The following OPALIN variants were observed in gnomAD, a reference collection of about 807,000 sequenced individuals.
OPALIN encodes transmembrane protein 10.
Under a neutral mutation model 17.8 loss-of-function variants are expected in OPALIN, and 15 were observed. That is an observed-to-expected ratio of 0.84 (90% CI 0.56 to 1.29). The LOEUF is 1.29. Ranked by LOEUF, OPALIN falls within the 50% of genes most tolerant of loss-of-function variation. The pLI, the probability that OPALIN is intolerant of heterozygous loss-of-function variation, is 0.00. For missense variants in OPALIN, 170 were observed against 176.0 expected, an observed-to-expected ratio of 0.97 and a Z score of 0.19; for synonymous variants, 62 against 63.8, an observed-to-expected ratio of 0.97 and a Z score of 0.14.
At chr10:96,351,066 C>G (rs1333678389) in intron 3 of OPALIN, among the ~76,000 whole-genome samples, 1 of 152,216 alleles carries the variant, frequency 6.6e-6, no homozygotes, top group Non-Finnish European at 1.5e-5. Flanking sequence ...TTCCAGCCTC[C>G]TTGTGCGTGA....
rs1184973 is a variant in OPALIN, at chr10:96,355,317, C to A, written c.4-27G>T. 2.2e-4 allele frequency: 360 copies of A among 1,611,672 alleles called. 1 individual carries two copies. The highest frequency in any genetic ancestry group is 2.9e-4 in the Non-Finnish European group (339 of 1,178,248). The stretch of plus-strand genomic sequence containing the variant: ...TGCAAGATAGAAGTAAACATTAAAG[C>A]TCCCAGGGATGGTCAGCAAGCTCCT... On this transcript the variant is annotated intron_variant, in intron 1 of 5. Coordinates refer to ENST00000371172, the MANE Select transcript of OPALIN (RefSeq NM_033207.5).
chr10:96,356,874 C>T lies in OPALIN; in HGVS notation c.4-1584G>A, dbSNP rs1318845408. The T allele has an allele frequency of 8.1e-6, 8 of 984,964 alleles. No individual in the cohort carries two copies. The Admixed American group carries it at 4.9e-4, about 61-fold the overall frequency. 61.0% of individuals were successfully genotyped at this position (984,964 alleles called of 1,614,324 possible). ...AAGCCTCAAGAATTTGAACAGGTTT[C>T]CCAAGTCCAAACAACTACTTAGCTG... On this transcript the variant is annotated intron_variant, in intron 1 of 5. Transcript: ENST00000371172.
chr10:96,343,915 G>A lies in OPALIN; in HGVS notation c.*2026C>T, dbSNP rs1430152975. On this transcript the variant is annotated 3_prime_UTR_variant, in exon 6 of 6. Transcript: ENST00000371172. Reference sequence around the variant, plus strand: ...CTGCTGGATGAACTTAAGATGCCCTGGACCCAGGCCTTCCCACTGGGAGGC... The same window carrying A: ...CTGCTGGATGAACTTAAGATGCCCTAGACCCAGGCCTTCCCACTGGGAGGC... 1 of 152,202 alleles carries A rather than the reference G, an allele frequency of 6.6e-6. No homozygotes were observed. Among genetic ancestry groups the A allele is most frequent in the African/African-American group, 2.4e-5 (1 of 41,444 alleles). 9.4% of individuals were successfully genotyped at this position (152,202 alleles called of 1,614,324 possible).
At position 96,351,383 on chromosome 10, in the gene OPALIN, C is replaced by G; in HGVS notation, c.67G>C (p.Glu23Gln). Reference protein sequence around the residue: ...TTSSPVTGGKETDCGPSLGLA... With the variant: ...TTSSPVTGGKQTDCGPSLGLA... ...AATTTAAGTGATATAGTTACCGTTTCTTTCCCACCTGTGACAGGAGAGGAC... is the reference window on the plus strand; with the variant it reads ...AATTTAAGTGATATAGTTACCGTTTGTTTCCCACCTGTGACAGGAGAGGAC... The change falls in exon 3 of 6, where the codon GAA (glutamate) becomes CAA (glutamine). Residue 23 changes from glutamate to glutamine, a missense_variant. Physicochemically the swap from Glu to Gln is conservative, Grantham distance 29. Coordinates refer to ENST00000371172, the MANE Select transcript of OPALIN (RefSeq NM_033207.5). 6.5e-7 allele frequency: 1 copy of G among 1,530,644 alleles called. No individual in the cohort carries two copies. The highest frequency in any genetic ancestry group is 8.9e-7 in the Non-Finnish European group (1 of 1,127,348). The allele number at this position is 1,530,644 out of a possible 1,614,324, so 94.8% of individuals were successfully genotyped here. A position where few individuals can be genotyped will look rare whatever the true frequency, so the allele number is the denominator to read the frequency against.
intron 1 of OPALIN, among the ~76,000 whole-genome samples, chr10:96,358,570 T>C (rs1845901601): frequency 6.6e-6 from 1 of 152,212 alleles, no homozygotes; most frequent in Admixed American, 6.5e-5. Context: ...ATGTTGCTGA[T>C]GATGGAACAA....
At position 96,349,722 on chromosome 10, in the gene OPALIN, G is replaced by A. The variant is rs192775978; in HGVS notation, c.177C>T (p.Ser59=). The A allele has an allele frequency of 1.1e-5, 18 of 1,613,932 alleles. No individual in the cohort carries two copies. The Admixed American group carries it at 1.3e-4, about 12-fold the overall frequency. The change falls in exon 4 of 6, where the codon AGC becomes AGT. Residue 59 remains serine (S), a synonymous_variant. Coordinates refer to ENST00000371172, the MANE Select transcript of OPALIN (RefSeq NM_033207.5). ...LFTLIHRRRS[S]IEAMEESDRP... is the part of the protein sequence containing the mutation. ...TAGTAATCACCTCCATGGCCTCAAT[G>A]CTGCTTCTTCTTCGGTGAATCAAAG...
chr10:96,357,012 T>A, intron 1 of OPALIN: 2 of 985,498 alleles, frequency 2.0e-6, no homozygotes, highest in Non-Finnish European at 1.2e-6. Context: ...GACAGCACTG[T>A]GCACCTCTGC....
At chr10:96,355,326 A>G in intron 1 of OPALIN, 36 bp from the exon 2 acceptor site, 1 of 1,605,046 alleles carries the variant, frequency 6.2e-7, no homozygotes, top group Non-Finnish European at 8.5e-7. Flanking sequence ...GCTCCCAGGG[A>G]TGGTCAGCAA....
chr10:96,358,991 C>A lies in OPALIN; in HGVS notation c.-95G>T. ...GGCTTGTGTCTTTCATTTGTAGGAA[C>A]AGTTAACTGACAAAGCTGCAGAGGC... On this transcript the variant is annotated 5_prime_UTR_variant, in exon 1 of 6. Coordinates refer to ENST00000371172, the MANE Select transcript of OPALIN (RefSeq NM_033207.5). 6.9e-7 allele frequency: 1 copy of A among 1,441,574 alleles called. No individual in the cohort carries two copies. The highest frequency in any genetic ancestry group is 1.7e-5 in the Admixed American group (1 of 59,566). 89.3% of individuals were successfully genotyped at this position (1,441,574 alleles called of 1,614,324 possible).
chr10:96,356,983 G>A (rs1845848122), intron 1 of OPALIN: 1 of 985,356 alleles, frequency 1.0e-6, no homozygotes, highest in Non-Finnish European at 1.2e-6. Flanking sequence ...CTCTGTGGAT[G>A]AATCAGAGCA....
intron 2 of OPALIN, among the ~76,000 whole-genome samples, chr10:96,352,487 T>C (rs774309798): frequency 2.0e-5 from 3 of 152,124 alleles, no homozygotes; most frequent in Non-Finnish European, 4.4e-5. Flanking sequence ...AAGGTTTTGA[T>C]GACCAGGCAC....
chr10:96,348,040 C>T (rs1212369536), intron 5 of OPALIN, among the ~76,000 whole-genome samples: 1 of 152,152 alleles, frequency 6.6e-6, no homozygotes, highest in African/African-American at 2.4e-5. Context: ...GAGATGGTCA[C>T]ATGAGTTTTC....
At chr10:96,353,656 A>T (rs187164254) in intron 2 of OPALIN, among the ~76,000 whole-genome samples, 1 of 152,322 alleles carries the variant, frequency 6.6e-6, no homozygotes, top group Admixed American at 6.5e-5. Context: ...CCACTCCCCA[A>T]GAAATGGCTT....
chr10:96,356,919 C>T (rs976511799), intron 1 of OPALIN: 11 of 985,212 alleles, frequency 1.1e-5, no homozygotes, highest in Non-Finnish European at 1.3e-5. Context: ...CCTGAGTGTC[C>T]CGGTGACAAC....
chr10:96,358,407 A>T (rs1017863593), intron 1 of OPALIN, among the ~76,000 whole-genome samples: 4 of 152,194 alleles, frequency 2.6e-5, no homozygotes, highest in African/African-American at 9.7e-5. Context: ...CCACTGATGG[A>T]CACCTAGGCT....
At chr10:96,351,185 C>A (rs11188729) in intron 3 of OPALIN, among the ~76,000 whole-genome samples, 193 bp downstream of exon 3, 2 of 152,076 alleles carry the variant, frequency 1.3e-5, no homozygotes, top group African/African-American at 4.8e-5. Flanking sequence ...TTTGCTCAAC[C>A]CTTTGTGAAA....
chr10:96,356,791 C>T, intron 1 of OPALIN: 1 of 705,676 alleles, frequency 1.4e-6, no homozygotes, highest in Non-Finnish European at 1.7e-6. Context: ...TCAGTGGTGC[C>T]TCTGCTCACT....
At chr10:96,355,373 T>A in intron 1 of OPALIN, 83 bp from the exon 2 acceptor site, 1 of 1,301,802 alleles carries the variant, frequency 7.7e-7, no homozygotes, top group Non-Finnish European at 1.1e-6. Flanking sequence ...CTGACCCTGG[T>A]GGATTCCGAG....
intron 1 of OPALIN, chr10:96,357,013 G>C: frequency 1.0e-6 from 1 of 985,512 alleles, no homozygotes; most frequent in Non-Finnish European, 1.2e-6. Flanking sequence ...ACAGCACTGT[G>C]CACCTCTGCT....
Sources: allele counts gnomAD v4.1 joint callset (sites outside exome capture counted in the v4.1 genomes callset), GRCh38; gene constraint gnomAD v4.1.1; transcripts MANE v1.5; gene names NCBI Gene and HGNC (gene_info 2026-07-23, HGNC 2026-07-21).